SDK1: variants seen among roughly 807,000 people sequenced by gnomAD.
The protein encoded by SDK1 is protein sidekick-1.
Under a neutral mutation model 245.5 loss-of-function variants are expected in SDK1, and 157 were observed. The ratio of observed to expected loss-of-function variants is 0.64; its 90% CI spans 0.56 to 0.73. The LOEUF is 0.73. SDK1 is among the 30% of genes least tolerant of loss of function. The pLI is 0.00. For missense variants in SDK1, 3,583 were observed against 3,002.3 expected (o/e 1.19, Z -4.52); for synonymous variants, 1,647 against 1,278.5 (o/e 1.29, Z -6.15).
intron 22 of SDK1, among the ~76,000 whole-genome samples, chr7:4,092,096 G>C (rs994313381): frequency 1.4e-4 from 21 of 152,208 alleles, no homozygotes; most frequent in African/African-American, 4.8e-4. Context: ...TAGCTGTGAG[G>C]CTTTAGGGAA....
At chr7:3,527,431 T>C (rs1031650524) in intron 1 of SDK1, among the ~76,000 whole-genome samples, 2 of 152,068 alleles carry the variant, frequency 1.3e-5, no homozygotes, top group Admixed American at 6.6e-5. Flanking sequence ...AGAGACCTGA[T>C]TGATATGATG....
At chr7:3,891,183 C>T (rs1162967056) in intron 5 of SDK1, among the ~76,000 whole-genome samples, 2 of 152,156 alleles carry the variant, frequency 1.3e-5, no homozygotes, top group Non-Finnish European at 2.9e-5. Context: ...CCCCACAGTC[C>T]ACAGCAGTCC....
chr7:3,339,446 G>A (rs192427958), intron 1 of SDK1, among the ~76,000 whole-genome samples: 2 of 152,184 alleles, frequency 1.3e-5, no homozygotes, highest in African/African-American at 4.8e-5. Context: ...AACAGAATCT[G>A]ACATTTAGAA....
At chr7:3,313,003 A>T (rs1397512269) in intron 1 of SDK1, among the ~76,000 whole-genome samples, 6 of 152,236 alleles carry the variant, frequency 3.9e-5, no homozygotes, top group Admixed American at 3.9e-4. Context: ...CTAGACTGGC[A>T]GGCATTTTGT....
intron 4 of SDK1, among the ~76,000 whole-genome samples, chr7:3,679,030 G>A (rs1208737499): frequency 6.6e-6 from 1 of 152,216 alleles, no homozygotes; most frequent in African/African-American, 2.4e-5. Flanking sequence ...AATCTTCAGA[G>A]CCTACGGATT....
At chr7:4,182,985 T>C (rs1223659558) in intron 35 of SDK1, among the ~76,000 whole-genome samples, 1 of 152,222 alleles carries the variant, frequency 6.6e-6, no homozygotes, top group Non-Finnish European at 1.5e-5. Context: ...ACTGGAGTTA[T>C]CACTGGTCAG....
Position 3,578,261 on chromosome 7 carries a change from T to TC in SDK1, c.299-40818dup, listed in dbSNP as rs1373438853. Among the ~76,000 whole-genome samples the TC allele has an allele frequency of 2.6e-3, 392 of 152,028 alleles. 2 individuals are homozygous for TC. The highest frequency in any genetic ancestry group is 9.0e-3 in the African/African-American group (373 of 41,550). On this transcript the variant is annotated intron_variant, in intron 1 of 44. Coordinates refer to ENST00000404826, the MANE Select transcript of SDK1 (RefSeq NM_152744.4). ...AAACCAGCAAGTTTTATTAAGGATT[T>TC]CATTAAGGATTTTATTAAGGATTAA...
At chr7:3,761,260 C>CTTTTTTTTTTTTTTTTTTTTTTTTTTT (rs71029692) in intron 4 of SDK1, among the ~76,000 whole-genome samples, 1 of 93,762 alleles carries the variant, frequency 1.1e-5, no homozygotes, top group Non-Finnish European at 2.0e-5. Context: ...GCCCCCCCTC[C>CTTTTTTTTTTTTTTTTTTTTTTTTTTT]TTTTTTTTTT....
chr7:3,583,907 C>T lies in SDK1; in HGVS notation c.299-35173C>T, dbSNP rs757742501. On this transcript the variant is annotated intron_variant, in intron 1 of 44. Transcript: ENST00000404826. ...TGGGACTTTGTGGAGCACAGAGAGG[C>T]CTTGTTTGCTTGGAGTGAAGGTCCC... is the stretch of plus-strand genomic sequence containing the variant. 1.0e-3 allele frequency among the ~76,000 whole-genome samples: 158 copies of T among 152,094 alleles called. 2 individuals carry two copies. Among genetic ancestry groups the T allele is most frequent in the Non-Finnish European group, 1.6e-3 (107 of 67,986 alleles).
At chr7:3,341,779 C>T (rs1003791861) in intron 1 of SDK1, among the ~76,000 whole-genome samples, 10 of 152,168 alleles carry the variant, frequency 6.6e-5, no homozygotes, top group African/African-American at 2.4e-4. Context: ...TGAAACAAAT[C>T]AGAGGACCCA....
chr7:3,373,831 A>G (rs1460143003), intron 1 of SDK1, among the ~76,000 whole-genome samples: 2 of 152,194 alleles, frequency 1.3e-5, no homozygotes, highest in African/African-American at 2.4e-5. Context: ...TTTTGTATAT[A>G]TTAACCATTT....
intron 1 of SDK1, among the ~76,000 whole-genome samples, chr7:3,430,929 C>G (rs1209224525): frequency 2.0e-5 from 3 of 152,192 alleles, no homozygotes; most frequent in Non-Finnish European, 4.4e-5. Context: ...GAGATGGAAT[C>G]TCGCTCTGTT....
At chr7:3,764,504 G>T (rs2114993127) in intron 4 of SDK1, among the ~76,000 whole-genome samples, 1 of 152,142 alleles carries the variant, frequency 6.6e-6, no homozygotes, top group Non-Finnish European at 1.5e-5. Flanking sequence ...TGACCAACAT[G>T]GTGAAATCCC....
intron 4 of SDK1, among the ~76,000 whole-genome samples, chr7:3,660,569 C>T (rs1003854335): frequency 5.9e-5 from 9 of 152,112 alleles, no homozygotes; most frequent in African/African-American, 1.9e-4. Flanking sequence ...GGCTCAGCTC[C>T]GCAGCCAGGT....
At position 3,314,910 on chromosome 7, in the gene SDK1, A is replaced by T. The variant is rs201764241; in HGVS notation, c.298+13026A>T. Among the ~76,000 whole-genome samples the T allele has an allele frequency of 3.9e-4, 55 of 141,976 alleles. No homozygotes were observed. The South Asian group carries it at 7.0e-3, about 18-fold the overall frequency. The allele number at this position is 141,976 out of a possible 152,430, so 93.1% of individuals were successfully genotyped here. On this transcript the variant is annotated intron_variant, in intron 1 of 44. Transcript: ENST00000404826. ...TGGCAACAAAAACTTTTTTTTTTTTAAAACTAAACCTCATTTGGCCTGTGA... is the reference window on the plus strand; with the variant it reads ...TGGCAACAAAAACTTTTTTTTTTTTTAAACTAAACCTCATTTGGCCTGTGA...
At chr7:4,168,364 C>T (rs1307935425) in intron 32 of SDK1, among the ~76,000 whole-genome samples, 2 of 152,228 alleles carry the variant, frequency 1.3e-5, no homozygotes, top group Non-Finnish European at 2.9e-5. Context: ...GTCTGTTGGG[C>T]AAGGCGGATT....
chr7:4,069,728 G>A (rs1780125719), intron 20 of SDK1, among the ~76,000 whole-genome samples: 1 of 152,220 alleles, frequency 6.6e-6, no homozygotes, highest in African/African-American at 2.4e-5. Flanking sequence ...CTCCGCACTG[G>A]CGTCCTGGAT....
At chr7:4,042,676 G>GC (rs1183622439) in intron 17 of SDK1, among the ~76,000 whole-genome samples, 1 of 152,078 alleles carries the variant, frequency 6.6e-6, no homozygotes, top group African/African-American at 2.4e-5. Context: ...GGGAGGCCAC[G>GC]CTGCACACTT....
In SDK1 at chr7:4,210,037, C is replaced by T. The variant is rs752423257; in HGVS notation, c.5414C>T (p.Pro1805Leu). The change falls in exon 38 of 45, where the codon CCC (proline) becomes CTC (leucine). Residue 1805 changes from proline (P) to leucine (L), a missense_variant. By Grantham distance (98) the Pro-to-Leu change is moderately conservative. Transcript: ENST00000404826. ...TCTATTCTCCCAGCCCCTGGGGCCC[C>T]CAGCTTTCTGGCGTTCTCAGAAATA... is the stretch of plus-strand genomic sequence containing the variant. ...GRTHQAAPGAPSFLAFSEITS... is the reference protein window; with the variant it reads ...GRTHQAAPGALSFLAFSEITS... 6.3e-7 allele frequency: 1 copy of T among 1,590,172 alleles called. No homozygotes were observed. The highest frequency in any genetic ancestry group is 8.5e-7 in the Non-Finnish European group (1 of 1,169,838).
Sources: allele counts gnomAD v4.1 joint callset (sites outside exome capture counted in the v4.1 genomes callset), GRCh38; gene constraint gnomAD v4.1.1; transcripts MANE v1.5; gene names NCBI Gene and HGNC (gene_info 2026-07-23, HGNC 2026-07-21).